The following MTMR14 variants were observed in gnomAD, a reference collection of about 807,000 sequenced individuals.
MTMR14 encodes myotubularin related protein 14.
In MTMR14, 48 loss-of-function variants were observed where a neutral mutation model predicts 86.3. That is an observed-to-expected ratio of 0.56 (90% CI 0.44 to 0.71). The LOEUF is 0.71. Ranked by LOEUF, MTMR14 falls within the 30% of genes least tolerant of loss-of-function variation. The probability of loss-of-function intolerance (pLI) is 0.00; values close to 1 mark genes in which losing one functional copy is unlikely to be tolerated. For missense variants in MTMR14, 780 were observed against 834.6 expected, an observed-to-expected ratio of 0.93 and a Z score of 0.81; for synonymous variants, 366 against 326.1, an observed-to-expected ratio of 1.12 and a Z score of -1.32.
intron 1 of MTMR14, 73 bp downstream of exon 1, chr3:9,649,815 G>T: frequency 6.3e-7 from 1 of 1,589,586 alleles, no homozygotes; most frequent in South Asian, 1.1e-5. Context: ...CTGAGGCCAG[G>T]GGTCAGAAAA....
Position 9,668,763 on chromosome 3 carries a change from T to C in MTMR14, c.462T>C (p.Tyr154=). Reference sequence around the variant, plus strand: ...CACTGGCTGGATGGGGAGAGCTGTATGGACGCTCAGGCTACAACTATTTTT... The same window carrying C: ...CACTGGCTGGATGGGGAGAGCTGTACGGACGCTCAGGCTACAACTATTTTT... ...SATLAGWGEL[Y]GRSGYNYFFS... The change falls in exon 4 of 19, where the codon TAT becomes TAC. Residue 154 remains tyrosine, a synonymous_variant. Transcript: ENST00000296003. The C allele has an allele frequency of 6.2e-7, 1 of 1,614,212 alleles. No individual in the cohort carries two copies. The highest frequency in any genetic ancestry group is 8.5e-7 in the Non-Finnish European group (1 of 1,180,036).
chr3:9,664,170 G>A (rs2048116488), intron 3 of MTMR14, among the ~76,000 whole-genome samples: 1 of 151,486 alleles, frequency 6.6e-6, no homozygotes. Flanking sequence ...TCCAACCAGT[G>A]TTTCCATAGA....
At chr3:9,659,371 T>A (rs1460387877) in intron 2 of MTMR14, among the ~76,000 whole-genome samples, 2 of 152,026 alleles carry the variant, frequency 1.3e-5, no homozygotes, top group African/African-American at 4.8e-5. Flanking sequence ...TGCTTAGCAC[T>A]GCAATAAAAG....
In MTMR14 at chr3:9,663,506, T is replaced by C. The variant is rs1267369638; in HGVS notation, c.417+1131T>C. Among the ~76,000 whole-genome samples, 232 of 125,328 alleles carry C rather than the reference T, an allele frequency of 1.9e-3. 6 individuals are homozygous for C. The highest frequency in any genetic ancestry group is 6.6e-3 in the African/African-American group (219 of 33,308). The allele number at this position is 125,328 out of a possible 152,430, so 82.2% of individuals were successfully genotyped here. A position where few individuals can be genotyped will look rare whatever the true frequency, so the allele number is the denominator to read the frequency against. On this transcript the variant is annotated intron_variant, in intron 3 of 18. Coordinates refer to ENST00000296003, the MANE Select transcript of MTMR14 (RefSeq NM_001077525.3). ...TTTTGAGATGGAGTCTCTCTCTTTT[T>C]TTTTTTTTTTTTTTTTTTTTTGAGG...
At chr3:9,668,890 A>C in intron 4 of MTMR14, 96 bp downstream of exon 4, 1,240 of 1,281,690 alleles carry the variant, frequency 9.7e-4, no homozygotes, top group Non-Finnish European at 1.3e-3. Context: ...CTGTAATCTC[A>C]ACACTTTGGG....
At chr3:9,663,804 CG>C (rs1295940958) in intron 3 of MTMR14, among the ~76,000 whole-genome samples, 1 of 150,310 alleles carries the variant, frequency 6.7e-6, no homozygotes, top group East Asian at 2.0e-4. Flanking sequence ...TGAGCCACCG[CG>C]CACGGCCTGG....
At chr3:9,678,496 G>A (rs1031979312) in intron 9 of MTMR14, among the ~76,000 whole-genome samples, 1 of 152,198 alleles carries the variant, frequency 6.6e-6, no homozygotes, top group African/African-American at 2.4e-5. Context: ...CATGGAAGGG[G>A]CCTCTAGTCT....
Position 9,690,049 on chromosome 3 carries a change from C to T in MTMR14, c.1519C>T (p.Leu507=). The T allele has an allele frequency of 3.1e-6, 5 of 1,613,078 alleles. No homozygotes were observed. The highest frequency in any genetic ancestry group is 4.2e-6 in the Non-Finnish European group (5 of 1,179,960). Reference sequence around the variant, plus strand: ...GGACCGCTTGCCTTCCCAGCAGGGGCTGGCGGAAGCCAGGTCTTCCAGCTC... The same window carrying T: ...GGACCGCTTGCCTTCCCAGCAGGGGTTGGCGGAAGCCAGGTCTTCCAGCTC... ...SEDRLPSQQG[L]AEARSSSSSS... The change falls in exon 17 of 19, where the codon CTG becomes TTG. Residue 507 remains leucine, a synonymous_variant. Transcript: ENST00000296003.
At chr3:9,689,157 A>G in intron 16 of MTMR14, 75 bp downstream of exon 16, 2 of 1,590,038 alleles carry the variant, frequency 1.3e-6, no homozygotes, top group Non-Finnish European at 1.7e-6. Context: ...GCCAGGCTGG[A>G]GCCCCAAGAA....
intron 17 of MTMR14, among the ~76,000 whole-genome samples, chr3:9,694,205 T>C (rs558953586): frequency 6.6e-6 from 1 of 152,244 alleles, no homozygotes; most frequent in African/African-American, 2.4e-5. Context: ...GCAAGGGCTT[T>C]GGTCAGACCT....
In MTMR14 at chr3:9,651,511, G is replaced by A. The variant is rs774292622; in HGVS notation, c.159+1769G>A. 9.4e-4 allele frequency among the ~76,000 whole-genome samples: 143 copies of A among 152,136 alleles called. 1 individual carries two copies. Among genetic ancestry groups the A allele is most frequent in the Non-Finnish European group, 1.4e-3 (93 of 68,028 alleles). On this transcript the variant is annotated intron_variant, in intron 1 of 18. Coordinates refer to ENST00000296003, the MANE Select transcript of MTMR14 (RefSeq NM_001077525.3). ...GCATAAGTTACACCTCATATTGGCT[G>A]CGGCTGGCCTTAATTATCTCTCCAG...
At chr3:9,652,965 C>G (rs913680052) in intron 1 of MTMR14, among the ~76,000 whole-genome samples, 3 of 151,690 alleles carry the variant, frequency 2.0e-5, no homozygotes, top group Non-Finnish European at 4.4e-5. Context: ...GGCCGGGTGC[C>G]GTGGCTCACG....
At chr3:9,661,010 C>T (rs1040708104) in intron 2 of MTMR14, among the ~76,000 whole-genome samples, 9 of 152,150 alleles carry the variant, frequency 5.9e-5, no homozygotes, top group Non-Finnish European at 1.2e-4. Flanking sequence ...GTATGACTTG[C>T]TGGAGCTAAC....
At chr3:9,659,739 G>T (rs1236941173) in intron 2 of MTMR14, 1 of 456,324 alleles carries the variant, frequency 2.2e-6, no homozygotes, top group Non-Finnish European at 4.4e-6. Flanking sequence ...ACTGTGCCTG[G>T]CCAGAAACTG....
At chr3:9,659,615 T>C (rs1479264346) in intron 2 of MTMR14, 1 of 428,934 alleles carries the variant, frequency 2.3e-6, no homozygotes, top group African/African-American at 2.0e-5. Flanking sequence ...GTCTAATTTT[T>C]GTAGTTTTAG....
chr3:9,675,479 T>G (rs2048806514), intron 7 of MTMR14: 10 of 434,358 alleles, frequency 2.3e-5, no homozygotes, highest in South Asian at 1.7e-4. Flanking sequence ...GTCTCAGTTC[T>G]AGATGTGTCA....
rs1205037239 is a variant in MTMR14, at chr3:9,689,136, A to G, written c.1433+54A>G. ...CTCACAGCTGTGGCCCGGGGCCATCAGCACCAGGGAGCCAGGCTGGAGCCC... is the reference window on the plus strand; with the variant it reads ...CTCACAGCTGTGGCCCGGGGCCATCGGCACCAGGGAGCCAGGCTGGAGCCC... On this transcript the variant is annotated intron_variant, in intron 16 of 18. Transcript: ENST00000296003. The G allele has an allele frequency of 2.5e-6, 4 of 1,599,036 alleles. No individual in the cohort carries two copies. In the East Asian group the frequency reaches 6.7e-5, roughly 27 times the overall value.
chr3:9,669,471 C>T lies in MTMR14; in HGVS notation c.533C>T (p.Thr178Met), dbSNP rs768475517. Residue 178 changes from threonine to methionine, a missense_variant, in exon 5 of 19, where the codon ACG becomes ATG. By Grantham distance (81) the Thr-to-Met change is moderately conservative. Coordinates refer to ENST00000296003, the MANE Select transcript of MTMR14 (RefSeq NM_001077525.3). Reference protein sequence around the residue: ...DDAWADVEDVTEEDCALRSGD... With the variant: ...DDAWADVEDVMEEDCALRSGD... ...GCCTGGGCAGATGTGGAGGACGTCA[C>T]GGAGGAGGACTGTGCTCTTCGGTCA... 21 of 1,613,432 alleles carry T rather than the reference C, an allele frequency of 1.3e-5. No individual in the cohort carries two copies. Among genetic ancestry groups the T allele is most frequent in the Admixed American group, 3.3e-5 (2 of 59,950 alleles).
At chr3:9,656,710 G>A (rs1272021624) in intron 2 of MTMR14, among the ~76,000 whole-genome samples, 2 of 151,822 alleles carry the variant, frequency 1.3e-5, no homozygotes, top group Non-Finnish European at 2.9e-5. Context: ...GAGCCACCGC[G>A]CCCAGCTGGG....
Sources: allele counts gnomAD v4.1 joint callset (sites outside exome capture counted in the v4.1 genomes callset), GRCh38; gene constraint gnomAD v4.1.1; transcripts MANE v1.5; gene names NCBI Gene and HGNC (gene_info 2026-07-23, HGNC 2026-07-21).